CCSER1: variants seen among roughly 807,000 people sequenced by gnomAD.
The protein encoded by CCSER1 is coiled-coil serine rich protein 1.
A neutral mutation model predicts 82.0 loss-of-function variants in CCSER1; 41 were observed. That is an observed-to-expected ratio of 0.50 (90% CI 0.39 to 0.65). The LOEUF (loss-of-function observed/expected upper bound fraction) is 0.65, where lower values mean the gene tolerates loss of function less well. Among genes scored for constraint, CCSER1 ranks in the 30% least tolerant of loss-of-function variants. The probability of loss-of-function intolerance (pLI) is 0.00; values close to 1 mark genes in which losing one functional copy is unlikely to be tolerated. For missense variants in CCSER1, 1,119 were observed against 1,064.2 expected (o/e 1.05, Z -0.72); for synonymous variants, 414 against 383.9 (o/e 1.08, Z -0.92).
In CCSER1 at chr4:91,168,290, C is replaced by T. The variant is rs577712708; in HGVS notation, c.2217+82296C>T. Among the ~76,000 whole-genome samples, 602 of 145,446 alleles carry T rather than the reference C, an allele frequency of 4.1e-3. 6 individuals are homozygous for T. Among genetic ancestry groups the T allele is most frequent in the African/African-American group, 0.014 (553 of 38,856 alleles). On this transcript the variant is annotated intron_variant, in intron 10 of 10. Coordinates refer to ENST00000509176, the MANE Select transcript of CCSER1 (RefSeq NM_001145065.2). Reference sequence around the variant, plus strand: ...GAAGTGAGGAGCGCCTCTGCCCGGCCGCCCCTTCTGGGATGTGAGGAGCGC... The same window carrying T: ...GAAGTGAGGAGCGCCTCTGCCCGGCTGCCCCTTCTGGGATGTGAGGAGCGC...
At chr4:90,881,577 G>A (rs903738815) in intron 8 of CCSER1, among the ~76,000 whole-genome samples, 1 of 152,060 alleles carries the variant, frequency 6.6e-6, no homozygotes, top group Non-Finnish European at 1.5e-5. Context: ...TTTGAGACCA[G>A]CCTGGGCAAT....
chr4:90,405,933 C>T (rs1753646180), intron 4 of CCSER1, among the ~76,000 whole-genome samples: 1 of 151,408 alleles, frequency 6.6e-6, no homozygotes. Flanking sequence ...CTCACTGAAC[C>T]TATATAACAG....
intron 10 of CCSER1, among the ~76,000 whole-genome samples, chr4:91,349,364 C>T (rs1313550842): frequency 6.6e-6 from 1 of 152,088 alleles, no homozygotes; most frequent in Non-Finnish European, 1.5e-5. Context: ...ACCTAAGAGA[C>T]AAATTCATCT....
chr4:91,490,838 C>T (rs377147309), intron 10 of CCSER1, among the ~76,000 whole-genome samples: 1 of 104,804 alleles, frequency 9.5e-6, no homozygotes, highest in African/African-American at 3.7e-5. Context: ...GATGATTACA[C>T]ATTGTATGCC....
chr4:91,430,711 G>T (rs548383403), intron 10 of CCSER1, among the ~76,000 whole-genome samples: 224 of 152,276 alleles, frequency 1.5e-3, no homozygotes, highest in African/African-American at 5.1e-3. Context: ...AGAAATGTTC[G>T]ATTATATGAA....
chr4:90,913,758 A>G (rs886650281), intron 8 of CCSER1, among the ~76,000 whole-genome samples: 1 of 152,174 alleles, frequency 6.6e-6, no homozygotes, highest in African/African-American at 2.4e-5. Flanking sequence ...TCTCACGTGC[A>G]GAGACACAGA....
intron 1 of CCSER1, among the ~76,000 whole-genome samples, chr4:90,228,408 G>C (rs1743691183): frequency 1.3e-5 from 2 of 152,150 alleles, no homozygotes; most frequent in Admixed American, 6.6e-5. Flanking sequence ...CTGCAGCTGA[G>C]GGTCCTGTCA....
intron 10 of CCSER1, among the ~76,000 whole-genome samples, chr4:91,282,363 C>T (rs1361722931): frequency 6.6e-6 from 1 of 152,158 alleles, no homozygotes; most frequent in African/African-American, 2.4e-5. Flanking sequence ...AAGATTCTGT[C>T]TTATGTCATT....
At chr4:91,323,256 A>G (rs745858454) in intron 10 of CCSER1, among the ~76,000 whole-genome samples, 1 of 152,134 alleles carries the variant, frequency 6.6e-6, no homozygotes, top group Non-Finnish European at 1.5e-5. Context: ...TCTGCTCTCA[A>G]TAGGCAAAGA....
At chr4:91,168,596 C>T (rs1732418512) in intron 10 of CCSER1, among the ~76,000 whole-genome samples, 1 of 151,634 alleles carries the variant, frequency 6.6e-6, no homozygotes, top group African/African-American at 2.4e-5. Flanking sequence ...CCGGCCACCC[C>T]ATCTGGGAAG....
At position 90,205,540 on chromosome 4, in the gene CCSER1, A is replaced by G. The variant is rs543270684; in HGVS notation, c.-42+77709A>G. Among the ~76,000 whole-genome samples the G allele has an allele frequency of 3.3e-5, 5 of 152,258 alleles. No individual in the cohort carries two copies. In the South Asian group the frequency reaches 1.0e-3, roughly 32 times the overall value. ...GTTGAACCAATCTTGCATCCCAGGG[A>G]TGAAGCCTACTTGATTGTGGTGGAT... On this transcript the variant is annotated intron_variant, in intron 1 of 10. Coordinates refer to ENST00000509176, the MANE Select transcript of CCSER1 (RefSeq NM_001145065.2).
chr4:91,077,207 A>G (rs1311260327), intron 9 of CCSER1, among the ~76,000 whole-genome samples: 2 of 152,136 alleles, frequency 1.3e-5, no homozygotes, highest in Admixed American at 6.5e-5. Context: ...GCACAGAGGG[A>G]CCAAGCCTTA....
At chr4:90,296,384 G>A (rs1394598700) in intron 1 of CCSER1, among the ~76,000 whole-genome samples, 1 of 152,032 alleles carries the variant, frequency 6.6e-6, no homozygotes, top group African/African-American at 2.4e-5. Context: ...TGTAGATTCT[G>A]GATATTAGCC....
chr4:91,296,463 A>G (rs1372143096), intron 10 of CCSER1, among the ~76,000 whole-genome samples: 2 of 52,856 alleles, frequency 3.8e-5, no homozygotes, highest in Non-Finnish European at 4.1e-5. Flanking sequence ...ATATATATAT[A>G]TATGTATATA....
In CCSER1 at chr4:90,468,274, C is replaced by G. The variant is rs182106294; in HGVS notation, c.1644C>G (p.Ala548=). The change falls in exon 5 of 11, where the codon GCC becomes GCG. Residue 548 remains alanine (A), a synonymous_variant. Coordinates refer to ENST00000509176, the MANE Select transcript of CCSER1 (RefSeq NM_001145065.2). ...CATATCACTCTGTCGTCTCATGTGC[C>G]GCAGTAGTTCTTACTCCTATGGAAC... is the stretch of plus-strand genomic sequence containing the variant. The part of the protein sequence containing the change: ...EDSYHSVVSC[A]AVVLTPMEPM... 3 of 1,607,884 alleles carry G rather than the reference C, an allele frequency of 1.9e-6. No homozygotes were observed. The highest frequency in any genetic ancestry group is 2.6e-6 in the Non-Finnish European group (3 of 1,176,146).
At chr4:90,272,119 G>A (rs552334099) in intron 1 of CCSER1, among the ~76,000 whole-genome samples, 7 of 151,734 alleles carry the variant, frequency 4.6e-5, no homozygotes, top group East Asian at 3.9e-4. Flanking sequence ...CTCCCACCAG[G>A]TCTCTCCCTG....
At chr4:91,262,034 A>G (rs551903773) in intron 10 of CCSER1, among the ~76,000 whole-genome samples, 190 of 152,264 alleles carry the variant, frequency 1.2e-3, no homozygotes, top group African/African-American at 4.4e-3. Context: ...GAATTATAAA[A>G]TGAAGGTAAT....
intron 8 of CCSER1, among the ~76,000 whole-genome samples, chr4:90,847,103 C>T (rs1375922890): frequency 2.0e-5 from 3 of 152,162 alleles, no homozygotes; most frequent in African/African-American, 7.2e-5. Context: ...GCTGATATTA[C>T]AAAGGCTTTA....
intron 4 of CCSER1, among the ~76,000 whole-genome samples, chr4:90,424,554 A>G (rs866717352): frequency 2.0e-5 from 3 of 152,160 alleles, no homozygotes; most frequent in Non-Finnish European, 4.4e-5. Context: ...TCCAATCCCT[A>G]CTTACTATGA....
Sources: gnomAD v4.1 joint callset for allele counts (sites outside exome capture counted in the v4.1 genomes callset) on GRCh38, gnomAD v4.1.1 for gene constraint, MANE v1.5 for transcripts, NCBI Gene and HGNC (gene_info 2026-07-23, HGNC 2026-07-21) for gene names.